The following MACROD2 variants were observed in gnomAD, a reference collection of about 807,000 sequenced individuals.
MACROD2 encodes the protein ADP-ribose glycohydrolase MACROD2.
Under a neutral mutation model 70.4 loss-of-function variants are expected in MACROD2, and 36 were observed. That is an observed-to-expected ratio of 0.51 (90% CI 0.39 to 0.68). The LOEUF is 0.68. Ranked by LOEUF, MACROD2 falls within the 30% of genes least tolerant of loss-of-function variation. The pLI is 0.00. For missense variants in MACROD2, 496 were observed against 538.4 expected, an observed-to-expected ratio of 0.92 and a Z score of 0.78; for synonymous variants, 172 against 178.8, an observed-to-expected ratio of 0.96 and a Z score of 0.30.
intron 3 of MACROD2, among the ~76,000 whole-genome samples, chr20:14,292,254 G>A (rs1026552580): frequency 6.6e-6 from 1 of 151,858 alleles, no homozygotes; most frequent in Admixed American, 6.6e-5. Flanking sequence ...CAGGTAAAGG[G>A]CAGTGGTTCT....
At chr20:14,846,667 G>T (rs149173334) in intron 5 of MACROD2, among the ~76,000 whole-genome samples, 3 of 151,744 alleles carry the variant, frequency 2.0e-5, no homozygotes, top group African/African-American at 7.3e-5. Context: ...ACAGGCGCCC[G>T]CCACCACGCC....
At chr20:15,309,560 A>G (rs2077731016) in intron 6 of MACROD2, among the ~76,000 whole-genome samples, 1 of 152,182 alleles carries the variant, frequency 6.6e-6, no homozygotes, top group African/African-American at 2.4e-5. Context: ...TAATTACTTT[A>G]TTATTTGATT....
At chr20:14,159,102 G>T (rs2055147336) in intron 3 of MACROD2, among the ~76,000 whole-genome samples, 1 of 152,122 alleles carries the variant, frequency 6.6e-6, no homozygotes, top group South Asian at 2.1e-4. Context: ...GCTGGGTGTG[G>T]TGATGGGTGC....
At chr20:15,181,856 A>G (rs1051064704) in intron 5 of MACROD2, among the ~76,000 whole-genome samples, 1 of 152,144 alleles carries the variant, frequency 6.6e-6, no homozygotes, top group Non-Finnish European at 1.5e-5. Context: ...CTGCATTTGC[A>G]GTTAGTTATG....
At position 15,062,530 on chromosome 20, in the gene MACROD2, T is replaced by TA. The variant is rs879364014; in HGVS notation, c.419-167398dup. ...AATGAAGTACTTATCATGATACCTG[T>TA]AAAAAAAAAAAATCCTTGGAGTAGA... On this transcript the variant is annotated intron_variant, in intron 5 of 17. Transcript: ENST00000684519. 1.4e-3 allele frequency among the ~76,000 whole-genome samples: 204 copies of TA among 146,690 alleles called. 2 individuals carry two copies. Among genetic ancestry groups the TA allele is most frequent in the Admixed American group, 4.6e-3 (68 of 14,638 alleles).
chr20:14,772,936 A>G (rs1391176292), intron 5 of MACROD2, among the ~76,000 whole-genome samples: 1 of 152,024 alleles, frequency 6.6e-6, no homozygotes, highest in Non-Finnish European at 1.5e-5. Context: ...AATTTCTGGT[A>G]TTACTTTAGC....
At chr20:15,658,820 C>T (rs1218120963) in intron 8 of MACROD2, among the ~76,000 whole-genome samples, 1 of 152,132 alleles carries the variant, frequency 6.6e-6, no homozygotes, top group African/African-American at 2.4e-5. Context: ...AAAGAGACCC[C>T]AGTGATATGT....
At chr20:15,644,124 A>T (rs148210661) in intron 8 of MACROD2, among the ~76,000 whole-genome samples, 143 of 152,200 alleles carry the variant, frequency 9.4e-4, no homozygotes, top group Non-Finnish European at 1.6e-4. Context: ...TCTTGTTCCT[A>T]AGAAGGAAAG....
intron 3 of MACROD2, among the ~76,000 whole-genome samples, chr20:14,214,063 A>G (rs994779219): frequency 1.3e-5 from 2 of 152,200 alleles, no homozygotes; most frequent in Admixed American, 1.3e-4. Context: ...TAAGGTATAC[A>G]TATATTATTT....
chr20:15,113,780 G>GA (rs2075973125), intron 5 of MACROD2, among the ~76,000 whole-genome samples: 1 of 147,182 alleles, frequency 6.8e-6, no homozygotes, highest in Non-Finnish European at 1.5e-5. Flanking sequence ...GTGTGTGTGT[G>GA]TGTGTGTGTG....
At chr20:15,836,917 G>A (rs959149536) in intron 8 of MACROD2, among the ~76,000 whole-genome samples, 7 of 152,320 alleles carry the variant, frequency 4.6e-5, no homozygotes, top group African/African-American at 1.7e-4. Context: ...GTGCCTATAA[G>A]GTTTGCCTTG....
At chr20:14,864,228 A>G (rs542075820) in intron 5 of MACROD2, among the ~76,000 whole-genome samples, 2 of 152,246 alleles carry the variant, frequency 1.3e-5, no homozygotes, top group South Asian at 4.2e-4. Flanking sequence ...GAGAAGTCCT[A>G]TAGTAAAGAC....
intron 15 of MACROD2, among the ~76,000 whole-genome samples, chr20:16,033,889 CAG>C (rs1325805816): frequency 1.3e-5 from 2 of 151,506 alleles, no homozygotes; most frequent in Non-Finnish European, 2.9e-5. Context: ...GGGAGAGACA[CAG>C]AGAGAGAAAA....
chr20:14,798,440 C>T (rs1378316270), intron 5 of MACROD2, among the ~76,000 whole-genome samples: 1 of 151,984 alleles, frequency 6.6e-6, no homozygotes, highest in African/African-American at 2.4e-5. Context: ...TAGCTGAAGT[C>T]TCTGCCAGAA....
intron 3 of MACROD2, among the ~76,000 whole-genome samples, chr20:14,274,992 A>T (rs1048144950): frequency 6.6e-6 from 1 of 152,214 alleles, no homozygotes; most frequent in African/African-American, 2.4e-5. Flanking sequence ...TCAATGAAAT[A>T]AAAGAGGATA....
intron 6 of MACROD2, among the ~76,000 whole-genome samples, chr20:15,262,895 T>C (rs891692203): frequency 6.6e-6 from 1 of 152,116 alleles, no homozygotes; most frequent in Non-Finnish European, 1.5e-5. Context: ...TAGTTTTATT[T>C]TTCTCTATAG....
chr20:14,789,480 T>C (rs1239546333), intron 5 of MACROD2, among the ~76,000 whole-genome samples: 1 of 127,278 alleles, frequency 7.9e-6, no homozygotes, highest in East Asian at 2.2e-4. Flanking sequence ...TTTTTTTTTT[T>C]TTTTTTTTTT....
chr20:15,596,840 G>A (rs2048752264), intron 8 of MACROD2, among the ~76,000 whole-genome samples: 1 of 152,148 alleles, frequency 6.6e-6, no homozygotes, highest in South Asian at 2.1e-4. Context: ...CCTAACACGG[G>A]CTTAAGGTCC....
chr20:14,284,465 G>T (rs1187724268), intron 3 of MACROD2, among the ~76,000 whole-genome samples: 2 of 152,124 alleles, frequency 1.3e-5, no homozygotes, highest in African/African-American at 4.8e-5. Context: ...AAACCCTCTG[G>T]ATATTTTAGC....
Sources: allele counts gnomAD v4.1 joint callset (sites outside exome capture counted in the v4.1 genomes callset), GRCh38; gene constraint gnomAD v4.1.1; transcripts MANE v1.5; gene names NCBI Gene and HGNC (gene_info 2026-07-23, HGNC 2026-07-21).